Variants in FCHO2 observed in about 807,000 individuals in gnomAD.
FCHO2 encodes the protein FCH and mu domain containing endocytic adaptor 2.
A neutral mutation model predicts 114.1 loss-of-function variants in FCHO2; 43 were observed. The observed-to-expected ratio is 0.38, with a 90% confidence interval of 0.30 to 0.49. The LOEUF (loss-of-function observed/expected upper bound fraction) is 0.49, where lower values mean the gene tolerates loss of function less well. Ranked by LOEUF, FCHO2 falls within the 20% of genes least tolerant of loss-of-function variation. FCHO2 has a pLI of 0.97. For missense variants in FCHO2, 807 were observed against 950.4 expected (o/e 0.85, Z 1.98); for synonymous variants, 293 against 315.2 (o/e 0.93, Z 0.75).
chr5:73,034,744 G>A (rs1436137803), intron 9 of FCHO2, 43 bp downstream of exon 9: 2 of 1,475,436 alleles, frequency 1.4e-6, no homozygotes, highest in Non-Finnish European at 1.8e-6. Flanking sequence ...ATGGCAGCTA[G>A]CTAGTATCTT....
chr5:73,066,180 C>T (rs1172040466), intron 18 of FCHO2, among the ~76,000 whole-genome samples: 1 of 151,962 alleles, frequency 6.6e-6, no homozygotes, highest in Admixed American at 6.6e-5. Context: ...TTGAATCCTT[C>T]ACATCATCCC....
intron 9 of FCHO2, 118 bp downstream of exon 9, chr5:73,034,819 T>C: frequency 2.7e-6 from 2 of 734,960 alleles, no homozygotes; most frequent in Non-Finnish European, 4.1e-6. Flanking sequence ...TGGAATGGAA[T>C]GCTGTAAAAA....
Position 72,990,483 on chromosome 5 carries a change from T to C in FCHO2, c.206T>C (p.Phe69Ser). 6.6e-7 allele frequency: 1 copy of C among 1,506,090 alleles called. No individual in the cohort carries two copies. The highest frequency in any genetic ancestry group is 8.8e-7 in the Non-Finnish European group (1 of 1,133,214). 93.3% of individuals were successfully genotyped at this position (1,506,090 alleles called of 1,614,324 possible). ...CATATTTTTTATTTTCTTAGAACAT[T>C]TGCACCAGTATGGGATGTATTCAAA... ...SASNYSQLGTFAPVWDVFKTS... is the reference protein window; with the variant it reads ...SASNYSQLGTSAPVWDVFKTS... The change falls in exon 4 of 26, where the codon TTT becomes TCT. Residue 69 changes from phenylalanine to serine, a missense_variant. By Grantham distance (155) the Phe-to-Ser change is radical. Transcript: ENST00000430046.
Position 72,956,081 on chromosome 5 carries a change from G to C in FCHO2, c.-16G>C. The stretch of plus-strand genomic sequence containing the variant: ...CGGGCGGGCGCGGACGCGGAACCCG[G>C]CGCGGCGGCGGCACGATGGTCATGG... On this transcript the variant is annotated 5_prime_UTR_variant, in exon 1 of 26. Transcript: ENST00000430046. 6.5e-7 allele frequency: 1 copy of C among 1,540,098 alleles called. No homozygotes were observed. The highest frequency in any genetic ancestry group is 1.4e-5 in the African/African-American group (1 of 71,116).
intron 18 of FCHO2, among the ~76,000 whole-genome samples, chr5:73,064,453 TAG>T (rs1472890231): frequency 6.6e-6 from 1 of 152,084 alleles, no homozygotes; most frequent in Non-Finnish European, 1.5e-5. Flanking sequence ...AGAAAATCTA[TAG>T]ACTCTATGCA....
In FCHO2 at chr5:73,015,680, T is replaced by A. The variant is rs892681030; in HGVS notation, c.655T>A (p.Ser219Thr). 1.3e-6 allele frequency: 2 copies of A among 1,585,596 alleles called. No homozygotes were observed. Among genetic ancestry groups the A allele is most frequent in the Non-Finnish European group, 1.7e-6 (2 of 1,171,052 alleles). The change falls in exon 7 of 26, where the codon TCC becomes ACC. Residue 219 changes from serine (S) to threonine (T), a missense_variant. Ser to Thr is a moderately conservative substitution (Grantham distance 58). Coordinates refer to ENST00000430046, the MANE Select transcript of FCHO2 (RefSeq NM_138782.3). ...HLIHIKEIIGSLSNAIKEIHL... is the reference protein window; with the variant it reads ...HLIHIKEIIGTLSNAIKEIHL... ...CATTCACATAAAGGAAATTATAGGA[T>A]CCTTGTCAAATGCTATAAAGGAAAT...
intron 19 of FCHO2, among the ~76,000 whole-genome samples, chr5:73,073,491 T>A (rs1278290772): frequency 2.0e-5 from 3 of 152,046 alleles, no homozygotes; most frequent in African/African-American, 4.8e-5. Context: ...CCATTTTTTT[T>A]AAATGTCCCC....
intron 8 of FCHO2, chr5:73,020,787 A>G (rs1056332772): frequency 2.3e-5 from 22 of 959,886 alleles, no homozygotes; most frequent in Non-Finnish European, 3.8e-5. Context: ...CACTGTCCCC[A>G]TCCTGATCAG....
At chr5:73,067,706 G>T (rs930126622) in intron 18 of FCHO2, among the ~76,000 whole-genome samples, 2 of 151,780 alleles carry the variant, frequency 1.3e-5, no homozygotes, top group African/African-American at 4.8e-5. Context: ...TCCAGGGTCA[G>T]ACACATAGTA....
intron 23 of FCHO2, 71 bp downstream of exon 23, chr5:73,082,053 T>G: frequency 7.5e-7 from 1 of 1,333,824 alleles, no homozygotes; most frequent in Non-Finnish European, 9.9e-7. Context: ...GAACCCAAGT[T>G]CTGTAAGTTT....
At chr5:73,049,030 C>A (rs886566118) in intron 11 of FCHO2, among the ~76,000 whole-genome samples, 1 of 151,222 alleles carries the variant, frequency 6.6e-6, no homozygotes, top group Non-Finnish European at 1.5e-5. Flanking sequence ...GCGCCCGCTA[C>A]CACGCCCGGC....
At chr5:73,032,240 T>TA (rs1260185879) in intron 8 of FCHO2, among the ~76,000 whole-genome samples, 1 of 152,236 alleles carries the variant, frequency 6.6e-6, no homozygotes, top group Non-Finnish European at 1.5e-5. Flanking sequence ...ATGGTTTTTT[T>TA]AAAAAGGTAG....
chr5:73,007,174 T>C (rs1323361184), intron 6 of FCHO2, among the ~76,000 whole-genome samples: 11 of 152,166 alleles, frequency 7.2e-5, no homozygotes, highest in African/African-American at 2.4e-4. Flanking sequence ...TCAGAGTAAG[T>C]ATGCTGTGGT....
At chr5:72,996,873 C>CCGGGGCCGG (rs981252937) in intron 5 of FCHO2, 46 of 1,456,950 alleles carry the variant, frequency 3.2e-5, no homozygotes, top group Non-Finnish European at 4.0e-5. Flanking sequence ...ACGGGGGCCC[C>CCGGGGCCGG]CGGGGCCGGC....
At chr5:72,962,056 A>T (rs1751905368) in intron 1 of FCHO2, among the ~76,000 whole-genome samples, 1 of 152,238 alleles carries the variant, frequency 6.6e-6, no homozygotes, top group Non-Finnish European at 1.5e-5. Flanking sequence ...ATTTAACTTG[A>T]TGCAGAAGAC....
intron 2 of FCHO2, among the ~76,000 whole-genome samples, chr5:72,970,240 T>C (rs2112608252): frequency 6.6e-6 from 1 of 152,340 alleles, no homozygotes; most frequent in Admixed American, 6.5e-5. Context: ...CTAGGCTCTA[T>C]GCTAGGCATG....
chr5:73,037,079 C>A, intron 9 of FCHO2, 64 bp from the exon 10 acceptor site: 1 of 1,134,188 alleles, frequency 8.8e-7, no homozygotes, highest in Non-Finnish European at 1.2e-6. Flanking sequence ...AAGATGTATC[C>A]ATAAGTTTAA....
intron 2 of FCHO2, among the ~76,000 whole-genome samples, chr5:72,985,241 A>G (rs564363028): frequency 2.0e-5 from 3 of 151,844 alleles, no homozygotes; most frequent in South Asian, 2.1e-4. Flanking sequence ...ACTCACTGCA[A>G]CCTCCACCTC....
chr5:73,074,375 T>TTA (rs538330664), intron 19 of FCHO2, among the ~76,000 whole-genome samples: 34 of 152,242 alleles, frequency 2.2e-4, no homozygotes, highest in African/African-American at 7.9e-4. Flanking sequence ...TGGCCTTAAA[T>TTA]AATGCCCTGA....
Sources: gnomAD v4.1 joint callset for allele counts (sites outside exome capture counted in the v4.1 genomes callset) on GRCh38, gnomAD v4.1.1 for gene constraint, MANE v1.5 for transcripts, NCBI Gene and HGNC (gene_info 2026-07-23, HGNC 2026-07-21) for gene names.